BTNL2: variants seen among roughly 807,000 people sequenced by gnomAD.
The protein encoded by BTNL2 is butyrophilin-like protein 2.
BTNL2 carries 46 observed loss-of-function variants against 46.8 expected under a neutral mutation model. That is an observed-to-expected ratio of 0.98 (90% CI 0.78 to 1.26). The LOEUF (loss-of-function observed/expected upper bound fraction) is 1.26. Ranked by LOEUF, BTNL2 falls within the 50% of genes most tolerant of loss-of-function variation. BTNL2 has a pLI of 0.00. For synonymous variants in BTNL2, 226 were observed against 229.1 expected, an observed-to-expected ratio of 0.99 and a Z score of 0.12; for missense variants, 461 against 592.6, an observed-to-expected ratio of 0.78 and a Z score of 2.31.
At chr6:32,402,826 G>A (rs118112404) in intron 3 of BTNL2, 109 bp downstream of exon 3, 19,672 of 1,146,990 alleles carry the variant, frequency 0.017, 958 homozygotes, top group East Asian at 0.16. Context: ...AATACATATT[G>A]CTATATGATA....
chr6:32,402,446 T>C (rs921224450), intron 3 of BTNL2, among the ~76,000 whole-genome samples: 15 of 152,200 alleles, frequency 9.9e-5, no homozygotes, highest in African/African-American at 3.6e-4. Flanking sequence ...AAAATATCTT[T>C]TTATTAATGC....
At chr6:32,402,744 G>A (rs115237266) in intron 3 of BTNL2, among the ~76,000 whole-genome samples, 191 bp downstream of exon 3, 15,848 of 152,126 alleles carry the variant, frequency 0.1, 942 homozygotes, top group East Asian at 0.2. Context: ...CAAAAATAAC[G>A]CAGGCGCCAT....
rs1776330848 is a variant in BTNL2 at position 32,394,689 on chromosome 6, G to C, written c.1360+55C>G. On this transcript the variant is annotated intron_variant, in intron 6 of 7. Coordinates refer to ENST00000454136, the MANE Select transcript of BTNL2 (RefSeq NM_001304561.2). The surrounding 1 kb of genome is among the most constrained non-coding windows in gnomAD (Gnocchi z 4.6). ...GAAGAGCAATACAATGAGTAAGTCTGAGTTGGTCTTCATATTTATTTTCCA... is the reference window on the plus strand; with the variant it reads ...GAAGAGCAATACAATGAGTAAGTCTCAGTTGGTCTTCATATTTATTTTCCA... The C allele has an allele frequency of 6.5e-7, 1 of 1,538,742 alleles. No homozygotes were observed. The highest frequency in any genetic ancestry group is 1.8e-5 in the Admixed American group (1 of 56,432).
At position 32,394,320 on chromosome 6, in the gene BTNL2, T is replaced by A. The variant is rs1776305659; in HGVS notation, c.1361-263A>T. On this transcript the variant is annotated intron_variant, in intron 6 of 7. Coordinates refer to ENST00000454136, the MANE Select transcript of BTNL2 (RefSeq NM_001304561.2). The surrounding 1 kb of genome is among the most constrained non-coding windows in gnomAD (Gnocchi z 4.6). ...TATATCACACAATCACTGGAATGAC[T>A]TGAGGAGGAAAGGATAAAATTACTC... Among the ~76,000 whole-genome samples, 1 of 152,208 alleles carries A rather than the reference T, an allele frequency of 6.6e-6. No homozygotes were observed. Among genetic ancestry groups the A allele is most frequent in the Admixed American group, 6.5e-5 (1 of 15,280 alleles).
rs149101528 is a variant in BTNL2 at position 32,403,169 on chromosome 6, C to T, written c.475G>A (p.Gly159Arg). The T allele has an allele frequency of 6.2e-7, 1 of 1,611,640 alleles. No homozygotes were observed. The highest frequency in any genetic ancestry group is 1.3e-5 in the African/African-American group (1 of 74,702). Residue 159 changes from glycine (G) to arginine (R), a missense_variant, in exon 3 of 8, where the codon GGA becomes AGA. Coordinates refer to ENST00000454136, the MANE Select transcript of BTNL2 (RefSeq NM_001304561.2). ...SIHMEGPGES[G>R]VQLVCTARGW... The stretch of plus-strand genomic sequence containing the variant: ...CTTGCAGTGCACACAAGCTGGACTC[C>T]ACTCTCCCCAGGTCCCTCCATGTGG...
chr6:32,396,228 C>A lies in BTNL2; in HGVS notation c.889G>T (p.Gly297Trp), dbSNP rs767954294. The change falls in exon 5 of 8, where the codon GGG (glycine) becomes TGG (tryptophan). Residue 297 changes from glycine to tryptophan, a missense_variant. By Grantham distance (184) the Gly-to-Trp change is radical (BLOSUM62 -2). Coordinates refer to ENST00000454136, the MANE Select transcript of BTNL2 (RefSeq NM_001304561.2). The surrounding 1 kb of genome is among the most constrained non-coding windows in gnomAD (Gnocchi z 4.4). The part of the protein sequence containing the change: ...RYPAVHVYMD[G>W]DHVAGEQMAE... ...ATCTGCTCTCCAGCCACATGGTCCCCATCCATATACACATGCACAGCAGGG... is the reference window on the plus strand; with the variant it reads ...ATCTGCTCTCCAGCCACATGGTCCCAATCCATATACACATGCACAGCAGGG... 1 of 1,613,108 alleles carries A rather than the reference C, an allele frequency of 6.2e-7. No individual in the cohort carries two copies. The highest frequency in any genetic ancestry group is 1.1e-5 in the South Asian group (1 of 91,082).
Position 32,405,146 on chromosome 6 carries a change from C to T in BTNL2, c.220G>A (p.Val74Met). The T allele has an allele frequency of 1.2e-6, 2 of 1,613,114 alleles. No individual in the cohort carries two copies. Among genetic ancestry groups the T allele is most frequent in the Non-Finnish European group, 1.7e-6 (2 of 1,180,042 alleles). Residue 74 changes from valine to methionine, a missense_variant, in exon 2 of 8, where the codon GTG (valine) becomes ATG (methionine). Physicochemically the swap from Val to Met is conservative, Grantham distance 21. Coordinates refer to ENST00000454136, the MANE Select transcript of BTNL2 (RefSeq NM_001304561.2). ...RWYRSEPSTP[V>M]FVHRDGVEVT... ...TCCACTCCATCCCTGTGCACAAACA[C>T]AGGTGTGCTGGGCTCTGAGCGGTAC...
intron 3 of BTNL2, among the ~76,000 whole-genome samples, chr6:32,402,566 A>G (rs1776848692): frequency 6.6e-6 from 1 of 152,222 alleles, no homozygotes; most frequent in Non-Finnish European, 1.5e-5. Flanking sequence ...TTATGCAAAT[A>G]GTTGTCTACA....
At position 32,407,173 on chromosome 6, in the gene BTNL2, C is replaced by G. The variant is rs1777209982; in HGVS notation, c.-50G>C. The G allele has an allele frequency of 6.9e-7, 1 of 1,442,942 alleles. No individual in the cohort carries two copies. The allele number at this position is 1,442,942 out of a possible 1,614,324, so 89.4% of individuals were successfully genotyped here. ...ACGCTGTGCCTAAGTGAGGCTGTGA[C>G]ACACCCGGCACACTCCATGGCTTCC... On this transcript the variant is annotated 5_prime_UTR_variant, in exon 1 of 8. Transcript: ENST00000454136.
At chr6:32,401,919 A>G (rs1261181067) in intron 3 of BTNL2, 114 bp from the exon 4 acceptor site, 2 of 764,682 alleles carry the variant, frequency 2.6e-6, no homozygotes, top group African/African-American at 3.6e-5. Context: ...TCAATTCATT[A>G]AAAAAATGAA....
chr6:32,403,006 G>T lies in BTNL2; in HGVS notation c.638C>A (p.Ala213Glu). Residue 213 changes from alanine (A) to glutamate (E), a missense_variant, in exon 3 of 8, where the codon GCA (alanine) becomes GAA (glutamate). Physicochemically the swap from Ala to Glu is moderately radical, Grantham distance 107 (BLOSUM62 -1). Coordinates refer to ENST00000454136, the MANE Select transcript of BTNL2 (RefSeq NM_001304561.2). Reference sequence around the variant, plus strand: ...GTGGACCAAGCAGGACACAGACTCTGCAGAGGCGTTCCTGACCACCAGGGT... The same window carrying T: ...GTGGACCAAGCAGGACACAGACTCTTCAGAGGCGTTCCTGACCACCAGGGT... ...EATLVVRNAS[A>E]ESVSCLVHNP... 1 of 1,612,894 alleles carries T rather than the reference G, an allele frequency of 6.2e-7. No homozygotes were observed. Among genetic ancestry groups the T allele is most frequent in the Non-Finnish European group, 8.5e-7 (1 of 1,179,920 alleles).
chr6:32,395,561 A>G (rs1287067188), intron 5 of BTNL2, among the ~76,000 whole-genome samples: 1 of 152,144 alleles, frequency 6.6e-6, no homozygotes, highest in African/African-American at 2.4e-5. Flanking sequence ...TTCAATTCTC[A>G]CACACACGGA....
intron 4 of BTNL2, among the ~76,000 whole-genome samples, chr6:32,401,510 CAT>C (rs1335619908): frequency 6.6e-6 from 1 of 152,160 alleles, no homozygotes; most frequent in Non-Finnish European, 1.5e-5. Context: ...CCCCTCAACA[CAT>C]AGAACAGAGA....
At position 32,394,405 on chromosome 6, in the gene BTNL2, T is replaced by C. The variant is rs72847934; in HGVS notation, c.1360+339A>G. Among the ~76,000 whole-genome samples, 23,888 of 152,196 alleles carry C rather than the reference T, an allele frequency of 0.16. 1,951 individuals are homozygous for C. The highest frequency in any genetic ancestry group is 0.19 in the South Asian group (898 of 4,826). On this transcript the variant is annotated intron_variant, in intron 6 of 7. Coordinates refer to ENST00000454136, the MANE Select transcript of BTNL2 (RefSeq NM_001304561.2). This position sits in a 1 kb window ranked among gnomAD's most constrained non-coding sequence, Gnocchi z 4.6. ...CAGTTTCTAATCCAGAAGAAAATCC[T>C]CCATGAGGGGGAAAACACAAAGTTC...
intron 1 of BTNL2, chr6:32,406,414 G>A (rs77331864): frequency 0.12 from 18,483 of 152,070 alleles, 1,336 homozygotes; most frequent in East Asian, 0.31. Context: ...CTGCGGTGCC[G>A]AGGCAGAGCC....
intron 3 of BTNL2, 75 bp from the exon 4 acceptor site, chr6:32,401,880 A>G: frequency 1.4e-5 from 19 of 1,365,510 alleles, no homozygotes; most frequent in Non-Finnish European, 1.8e-5. Flanking sequence ...TTTAAAAAAG[A>G]AAGCAATTTA....
intron 2 of BTNL2, chr6:32,403,620 A>C: frequency 6.0e-6 from 1 of 165,456 alleles, no homozygotes; most frequent in Non-Finnish European, 1.3e-5. Flanking sequence ...GATGTCTTGA[A>C]CTCCAATTTG....
intron 1 of BTNL2, among the ~76,000 whole-genome samples, chr6:32,405,800 A>G (rs1777100907): frequency 1.0e-5 from 1 of 96,782 alleles, no homozygotes; most frequent in Non-Finnish European, 2.0e-5. Flanking sequence ...TCTTAGATAT[A>G]AAAACTGTTT....
chr6:32,406,963 T>A, intron 1 of BTNL2, 82 bp downstream of exon 1: 1 of 1,347,066 alleles, frequency 7.4e-7, no homozygotes, highest in Non-Finnish European at 1.1e-6. Context: ...ACTTACACTC[T>A]TAGATGTTGT....
Sources: allele counts gnomAD v4.1 joint callset (sites outside exome capture counted in the v4.1 genomes callset), GRCh38; gene constraint gnomAD v4.1.1; non-coding constraint Gnocchi (gnomAD v3.1); transcripts MANE v1.5; gene names NCBI Gene and HGNC (gene_info 2026-07-23, HGNC 2026-07-21).